SLC71A1: variants seen among roughly 807,000 people sequenced by gnomAD.
The protein encoded by SLC71A1 is hippocampus abundant gene transcript 1.
the SLC71A1 span, among the ~76,000 whole-genome samples, chr1:100,059,144 G>GGT: frequency 2.7e-5 from 2 of 75,416 alleles, no homozygotes; most frequent in Admixed American, 1.4e-4. Context: ...TCTTTTTCGT[G>GGT]TTTTTTTTTT....
the SLC71A1 span, among the ~76,000 whole-genome samples, chr1:100,071,111 A>G: frequency 0.049 from 7,371 of 151,886 alleles, 206 homozygotes; most frequent in African/African-American, 0.068. Flanking sequence ...GTGCTTTTTA[A>G]CTTTGGAGGA....
At chr1:100,049,016 C>T in the SLC71A1 span, among the ~76,000 whole-genome samples, 6 of 152,250 alleles carry the variant, frequency 3.9e-5, no homozygotes, top group African/African-American at 1.4e-4. Flanking sequence ...ATCCTTAATC[C>T]GTTCCCTCCC....
the SLC71A1 span, among the ~76,000 whole-genome samples, chr1:100,058,385 T>C: frequency 4.6e-5 from 7 of 152,234 alleles, no homozygotes; most frequent in African/African-American, 1.4e-4. Context: ...CTGACTGTAA[T>C]CTTAGACAAG....
At chr1:100,043,755 C>T in the SLC71A1 span, among the ~76,000 whole-genome samples, 7 of 152,154 alleles carry the variant, frequency 4.6e-5, no homozygotes, top group South Asian at 2.1e-4. Context: ...ATTAGTCTTA[C>T]GCCTTTGCGT....
At chr1:100,047,167 C>A in the SLC71A1 span, among the ~76,000 whole-genome samples, 1 of 152,178 alleles carries the variant, frequency 6.6e-6, no homozygotes, top group Non-Finnish European at 1.5e-5. Context: ...TTCAGGTTTT[C>A]CCTGTTCAGC....
At chr1:100,082,096 T>A in the SLC71A1 span, 1 of 1,614,132 alleles carries the variant, frequency 6.2e-7, no homozygotes, top group Non-Finnish European at 8.5e-7. Context: ...ACATACCAAT[T>A]TAAGCTTAAG....
At chr1:100,071,289 C>CAAAAA in the SLC71A1 span, among the ~76,000 whole-genome samples, 20 of 53,382 alleles carry the variant, frequency 3.7e-4, no homozygotes, top group East Asian at 8.9e-4. Flanking sequence ...CCATCTCTAC[C>CAAAAA]AAAAAAAAAA....
At chr1:100,046,383 G>T in the SLC71A1 span, among the ~76,000 whole-genome samples, 1 of 151,668 alleles carries the variant, frequency 6.6e-6, no homozygotes, top group East Asian at 1.9e-4. Flanking sequence ...CCACCACCAC[G>T]CCTGGCTAAT....
At chr1:100,053,014 C>T in the SLC71A1 span, among the ~76,000 whole-genome samples, 1 of 151,628 alleles carries the variant, frequency 6.6e-6, no homozygotes, top group Admixed American at 6.6e-5. Flanking sequence ...GAACTCCTGA[C>T]CTCAGGTGAT....
chr1:100,080,790 T>G, the SLC71A1 span: 1 of 791,252 alleles, frequency 1.3e-6, no homozygotes, highest in Non-Finnish European at 2.0e-6. Flanking sequence ...AACCAGAGTT[T>G]AAGGGACTGT....
At chr1:100,055,229 G>A in the SLC71A1 span, among the ~76,000 whole-genome samples, 2 of 152,114 alleles carry the variant, frequency 1.3e-5, no homozygotes, top group African/African-American at 4.8e-5. Context: ...TGAAAGAAAA[G>A]CATAATACAT....
At chr1:100,046,491 G>A in the SLC71A1 span, among the ~76,000 whole-genome samples, 12 of 152,138 alleles carry the variant, frequency 7.9e-5, no homozygotes, top group Non-Finnish European at 1.8e-4. Flanking sequence ...CTCCCAAAGT[G>A]CTGGGATTAC....
the SLC71A1 span, among the ~76,000 whole-genome samples, chr1:100,078,186 G>T: frequency 6.6e-6 from 1 of 152,132 alleles, no homozygotes; most frequent in African/African-American, 2.4e-5. Context: ...ATTGCCTGTA[G>T]AAATAATACC....
chr1:100,043,056 T>C, the SLC71A1 span: 3 of 983,316 alleles, frequency 3.1e-6, no homozygotes, highest in Non-Finnish European at 3.6e-6. Flanking sequence ...TAAATTAATA[T>C]GCAGTTTTTT....
chr1:100,056,099 C>A, the SLC71A1 span, among the ~76,000 whole-genome samples: 2 of 152,122 alleles, frequency 1.3e-5, no homozygotes, highest in Admixed American at 6.5e-5. Flanking sequence ...TGTAGTCAAC[C>A]TGTTGTGCCT....
chr1:100,074,789 C>T, the SLC71A1 span, among the ~76,000 whole-genome samples: 4 of 152,088 alleles, frequency 2.6e-5, no homozygotes, highest in Admixed American at 2.6e-4. Flanking sequence ...GCAGAAAAAT[C>T]GCTTGAACCC....
At chr1:100,065,677 C>T in the SLC71A1 span, among the ~76,000 whole-genome samples, 3 of 148,064 alleles carry the variant, frequency 2.0e-5, no homozygotes, top group Non-Finnish European at 4.5e-5. Context: ...TTCCCTTCCC[C>T]TTTCCCCTTT....
the SLC71A1 span, chr1:100,058,586 A>G: frequency 2.6e-6 from 2 of 758,028 alleles, no homozygotes; most frequent in Admixed American, 2.0e-5. Flanking sequence ...GTATGAATGG[A>G]TGTTCAAAAA....
chr1:100,048,578 C>T, the SLC71A1 span, among the ~76,000 whole-genome samples: 1 of 152,156 alleles, frequency 6.6e-6, no homozygotes, highest in African/African-American at 2.4e-5. Flanking sequence ...TCATATGTGA[C>T]ACTGTATTCT....
Sources: allele counts gnomAD v4.1 joint callset (sites outside exome capture counted in the v4.1 genomes callset), GRCh38; gene constraint gnomAD v4.1.1; transcripts MANE v1.5; gene names NCBI Gene and HGNC (gene_info 2026-07-23, HGNC 2026-07-21).